The following SCAF8 variants were observed in gnomAD, a reference collection of about 807,000 sequenced individuals.
The protein encoded by SCAF8 is SR-related CTD associated factor 8.
A neutral mutation model predicts 140.5 loss-of-function variants in SCAF8; 23 were observed. The ratio of observed to expected loss-of-function variants is 0.16; its 90% CI spans 0.12 to 0.23. SCAF8 has a LOEUF of 0.23. Ranked by LOEUF, SCAF8 falls within the 10% of genes least tolerant of loss-of-function variation. The pLI, the probability that SCAF8 is intolerant of heterozygous loss-of-function variation, is 1.00. For synonymous variants in SCAF8, 575 were observed against 528.9 expected (o/e 1.09, Z -1.20); for missense variants, 1,397 against 1,555.7 (o/e 0.90, Z 1.72).
At chr6:154,808,881 G>A (rs2114646071) in intron 11 of SCAF8, 83 bp downstream of exon 11, 1 of 880,118 alleles carries the variant, frequency 1.1e-6, no homozygotes, top group Non-Finnish European at 1.8e-6. Context: ...GAAAGGAAAT[G>A]TTTCCTTGGG....
chr6:154,739,297 CTTTTAAA>C (rs1484192446), intron 1 of SCAF8, among the ~76,000 whole-genome samples: 1 of 152,124 alleles, frequency 6.6e-6, no homozygotes, highest in Non-Finnish European at 1.5e-5. Context: ...TGGCCAGATT[CTTTTAAA>C]TTTTAAGTAC....
intron 1 of SCAF8, among the ~76,000 whole-genome samples, chr6:154,746,928 C>A (rs1475222614): frequency 6.6e-6 from 1 of 152,142 alleles, no homozygotes; most frequent in Non-Finnish European, 1.5e-5. Context: ...CTAGCTTCAA[C>A]GTCATAACTA....
At position 154,827,317 on chromosome 6, in the gene SCAF8, T is replaced by C; in HGVS notation, c.2140+77T>C. ...GTGTGTCAGTTCTCATTCTTGTGAA[T>C]TACCGTTAATATTTTTATTATGAAA... On this transcript the variant is annotated intron_variant, in intron 18 of 19. Transcript: ENST00000367178. The C allele has an allele frequency of 5.4e-6, 5 of 925,464 alleles. No homozygotes were observed. In the South Asian group the frequency reaches 8.1e-5, roughly 15 times the overall value. The allele number at this position is 925,464 out of a possible 1,614,324, so 57.3% of individuals were successfully genotyped here.
chr6:154,734,111 A>G (rs1778342733), intron 1 of SCAF8, among the ~76,000 whole-genome samples, 181 bp downstream of exon 1: 1 of 151,732 alleles, frequency 6.6e-6, no homozygotes, highest in Non-Finnish European at 1.5e-5. Flanking sequence ...CGGGTCCGGG[A>G]GGAGGGTTGG....
At chr6:154,769,167 G>A (rs1776666986) in intron 1 of SCAF8, among the ~76,000 whole-genome samples, 1 of 151,778 alleles carries the variant, frequency 6.6e-6, no homozygotes, top group South Asian at 2.1e-4. Context: ...GAAACATAAT[G>A]TATTATCCAG....
chr6:154,733,979 C>T (rs1479845945), intron 1 of SCAF8, 49 bp downstream of exon 1: 8 of 1,485,258 alleles, frequency 5.4e-6, no homozygotes, highest in East Asian at 5.5e-5. Context: ...CCGCCCCCAC[C>T]CCTGGTCGAG....
At chr6:154,785,101 A>T (rs150636600) in intron 3 of SCAF8, among the ~76,000 whole-genome samples, 2 of 152,116 alleles carry the variant, frequency 1.3e-5, no homozygotes, top group Non-Finnish European at 2.9e-5. Flanking sequence ...ATGTAATCCT[A>T]TGGTATGTAT....
intron 6 of SCAF8, among the ~76,000 whole-genome samples, chr6:154,795,576 T>C (rs1777578508): frequency 6.6e-6 from 1 of 152,146 alleles, no homozygotes; most frequent in Non-Finnish European, 1.5e-5. Context: ...GTAGAGCGGA[T>C]AGCCAACAGG....
intron 1 of SCAF8, among the ~76,000 whole-genome samples, chr6:154,758,541 G>A (rs1303689472): frequency 6.6e-6 from 1 of 152,194 alleles, no homozygotes; most frequent in East Asian, 1.9e-4. Flanking sequence ...CGTAGTTCAT[G>A]CACAAAACTA....
At chr6:154,774,763 C>A (rs1214564521) in intron 2 of SCAF8, among the ~76,000 whole-genome samples, 1 of 152,124 alleles carries the variant, frequency 6.6e-6, no homozygotes, top group Non-Finnish European at 1.5e-5. Context: ...TATGTTAACT[C>A]ATGAATAGTT....
intron 1 of SCAF8, among the ~76,000 whole-genome samples, chr6:154,739,040 C>T (rs183367560): frequency 2.6e-5 from 4 of 152,274 alleles, no homozygotes; most frequent in African/African-American, 9.6e-5. Context: ...GGCTAGAGTG[C>T]AAGGACAGGA....
rs984591594 is a variant in SCAF8 at position 154,787,073 on chromosome 6, G to A, written c.160-788G>A. 3.3e-5 allele frequency among the ~76,000 whole-genome samples: 5 copies of A among 152,248 alleles called. No individual in the cohort carries two copies. The South Asian group carries it at 8.3e-4, about 25-fold the overall frequency. On this transcript the variant is annotated intron_variant, in intron 3 of 19. Coordinates refer to ENST00000367178, the MANE Select transcript of SCAF8 (RefSeq NM_014892.5). ...AAGCTTGTGTTGAGAAAGTAGGGGA[G>A]GCAGGGCACGGTGGCTCGTGCCTGT...
intron 8 of SCAF8, 74 bp from the exon 9 acceptor site, chr6:154,805,295 C>T: frequency 4.8e-6 from 4 of 839,216 alleles, no homozygotes; most frequent in African/African-American, 1.7e-5. Context: ...TTTTTGTTTT[C>T]TTTGAATACT....
chr6:154,774,001 A>C lies in SCAF8; in HGVS notation c.43A>C (p.Asn15His). ...KTFNSELYSL[N>H]DYKPPISKAK... ...CTTTTTTCATCAGTTGTATTCCCTG[A>C]ATGACTATAAACCACCCATTTCGAA... Residue 15 changes from asparagine (N) to histidine (H), a missense_variant, in exon 2 of 20, where the codon AAT becomes CAT. Physicochemically the swap from Asn to His is moderately conservative, Grantham distance 68 (BLOSUM62 1). Transcript: ENST00000367178. 6.2e-7 allele frequency: 1 copy of C among 1,611,696 alleles called. No homozygotes were observed. Among genetic ancestry groups the C allele is most frequent in the Non-Finnish European group, 8.5e-7 (1 of 1,177,892 alleles).
At chr6:154,818,456 C>G (rs750956761) in intron 13 of SCAF8, 23 bp from the exon 14 acceptor site, 1 of 1,434,956 alleles carries the variant, frequency 7.0e-7, no homozygotes, top group Admixed American at 2.0e-5. Flanking sequence ...TATACCTTTT[C>G]TTAAAACAAT....
chr6:154,733,935 G>T lies in SCAF8; in HGVS notation c.30+5G>T, dbSNP rs749931194. On this transcript the variant is annotated splice_donor_5th_base_variant and intron_variant, in intron 1 of 19. Coordinates refer to ENST00000367178, the MANE Select transcript of SCAF8 (RefSeq NM_014892.5). ...GTGAAGACCTTCAATAGCGAGGTTGGTATGGCAGCCGGGTTCCCCTGCTCC... is the reference window on the plus strand; with the variant it reads ...GTGAAGACCTTCAATAGCGAGGTTGTTATGGCAGCCGGGTTCCCCTGCTCC... 1 of 1,531,544 alleles carries T rather than the reference G, an allele frequency of 6.5e-7. No individual in the cohort carries two copies. Among genetic ancestry groups the T allele is most frequent in the Non-Finnish European group, 8.7e-7 (1 of 1,146,102 alleles). 94.9% of individuals were successfully genotyped at this position (1,531,544 alleles called of 1,614,324 possible).
chr6:154,777,776 C>G (rs1196793249), intron 2 of SCAF8, among the ~76,000 whole-genome samples: 2 of 152,164 alleles, frequency 1.3e-5, no homozygotes, highest in African/African-American at 4.8e-5. Flanking sequence ...AGGTAATGCA[C>G]TTTGGACATG....
At chr6:154,802,233 A>G (rs937384221) in intron 7 of SCAF8, 86 bp downstream of exon 7, 22 of 813,526 alleles carry the variant, frequency 2.7e-5, no homozygotes, top group Non-Finnish European at 3.8e-5. Flanking sequence ...AATAAATTTT[A>G]TTGTAGACTT....
rs1166870326 is a variant in SCAF8 at position 154,820,170 on chromosome 6, A to G, written c.1636-7A>G. On this transcript the variant is annotated splice_polypyrimidine_tract_variant and splice_region_variant and intron_variant, in intron 14 of 19. Coordinates refer to ENST00000367178, the MANE Select transcript of SCAF8 (RefSeq NM_014892.5). ...CCTTTCTTTTTTCCTCTTCCCATTT[A>G]CAATAGATCGCTTGGGCTTTAAACA... 5 of 1,576,622 alleles carry G rather than the reference A, an allele frequency of 3.2e-6. No homozygotes were observed. The highest frequency in any genetic ancestry group is 2.6e-6 in the Non-Finnish European group (3 of 1,168,568).
Sources: gnomAD v4.1 joint callset for allele counts (sites outside exome capture counted in the v4.1 genomes callset) on GRCh38, gnomAD v4.1.1 for gene constraint, MANE v1.5 for transcripts, NCBI Gene and HGNC (gene_info 2026-07-23, HGNC 2026-07-21) for gene names.